Variants in SEZ6L observed in about 807,000 individuals in gnomAD.
SEZ6L encodes seizure related 6 homolog like.
Under a neutral mutation model 106.2 loss-of-function variants are expected in SEZ6L, and 37 were observed. The observed-to-expected ratio is 0.35, with a 90% confidence interval of 0.27 to 0.46. The LOEUF is 0.46. SEZ6L is among the 20% of genes least tolerant of loss of function. The probability of loss-of-function intolerance (pLI) is 1.00; values close to 1 mark genes in which losing one functional copy is unlikely to be tolerated. For synonymous variants in SEZ6L, 541 were observed against 570.4 expected (o/e 0.95, Z 0.73); for missense variants, 1,172 against 1,332.8 (o/e 0.88, Z 1.88).
intron 10 of SEZ6L, among the ~76,000 whole-genome samples, chr22:26,343,175 C>T (rs764058693): frequency 2.6e-5 from 4 of 152,078 alleles, no homozygotes; most frequent in Non-Finnish European, 4.4e-5. Context: ...GACTCAGCTG[C>T]CTTTGGAGGA....
At chr22:26,252,235 A>G (rs2079621823) in intron 1 of SEZ6L, among the ~76,000 whole-genome samples, 1 of 152,192 alleles carries the variant, frequency 6.6e-6, no homozygotes, top group South Asian at 2.1e-4. Flanking sequence ...GGGCTAAGAA[A>G]AGGGTAACCT....
At chr22:26,276,349 A>T (rs634373) in intron 1 of SEZ6L, among the ~76,000 whole-genome samples, 1 of 152,060 alleles carries the variant, frequency 6.6e-6, no homozygotes, top group African/African-American at 2.4e-5. Flanking sequence ...GGGCAAAGCC[A>T]GTGCTAGAAC....
chr22:26,206,256 A>T (rs1426412320), intron 1 of SEZ6L, among the ~76,000 whole-genome samples: 1 of 152,180 alleles, frequency 6.6e-6, no homozygotes, highest in African/African-American at 2.4e-5. Flanking sequence ...GCCCAACCCC[A>T]ATCGTCCCTT....
At chr22:26,307,762 C>T (rs928811301) in intron 6 of SEZ6L, among the ~76,000 whole-genome samples, 5 of 152,158 alleles carry the variant, frequency 3.3e-5, no homozygotes, top group African/African-American at 1.2e-4. Flanking sequence ...AACCTCAGAT[C>T]TGCCTCTTCT....
At chr22:26,173,354 G>A (rs1414321334) in intron 1 of SEZ6L, among the ~76,000 whole-genome samples, 2 of 152,220 alleles carry the variant, frequency 1.3e-5, no homozygotes, top group African/African-American at 4.8e-5. Context: ...AGGGGTTGAA[G>A]GGCATAGTGA....
At chr22:26,251,338 GTTTTT>G (rs5844679) in intron 1 of SEZ6L, among the ~76,000 whole-genome samples, 58,084 of 149,294 alleles carry the variant, frequency 0.39, 12,756 homozygotes, top group East Asian at 0.59. Flanking sequence ...TTTGTTGAAA[GTTTTT>G]TTTTTTTTTT....
rs186513008 is a variant in SEZ6L, at chr22:26,214,247, C to T, written c.94+44484C>T. 3.3e-4 allele frequency among the ~76,000 whole-genome samples: 50 copies of T among 152,356 alleles called. 1 individual carries two copies. In the South Asian group the frequency reaches 6.4e-3, roughly 20 times the overall value. The stretch of plus-strand genomic sequence containing the variant: ...TAGCTGTGTGTCCTAGAGCAGCTCA[C>T]TTCACCTCTCTGAGCCTGGTTTCTT... On this transcript the variant is annotated intron_variant, in intron 1 of 16. Coordinates refer to ENST00000248933, the MANE Select transcript of SEZ6L (RefSeq NM_021115.5).
At position 26,382,628 on chromosome 22, in the gene SEZ6L, CT is replaced by C. The variant is rs567445737; in HGVS notation, c.*2334del. The C allele has an allele frequency of 9.2e-5, 14 of 152,178 alleles. No homozygotes were observed. Among genetic ancestry groups the C allele is most frequent in the African/African-American group, 3.4e-4 (14 of 41,474 alleles). The allele number at this position is 152,178 out of a possible 1,614,324, so 9.4% of individuals were successfully genotyped here. A position where few individuals can be genotyped will look rare whatever the true frequency, so the allele number is the denominator to read the frequency against. ...CCGTGTTTTAAAAGTTTGTTTTAGCCTAGAGACAGATCATACGAGTTCAACA... is the reference window on the plus strand; with the variant it reads ...CCGTGTTTTAAAAGTTTGTTTTAGCCAGAGACAGATCATACGAGTTCAACA... On this transcript the variant is annotated 3_prime_UTR_variant, in exon 17 of 17. Transcript: ENST00000248933.
At chr22:26,275,372 AAGCTAG>A (rs2080509166) in intron 1 of SEZ6L, among the ~76,000 whole-genome samples, 1 of 152,212 alleles carries the variant, frequency 6.6e-6, no homozygotes, top group African/African-American at 2.4e-5. Flanking sequence ...AGGCTAGGCT[AAGCTAG>A]GATGTTCAGT....
chr22:26,357,200 C>T (rs1314520644), intron 12 of SEZ6L, among the ~76,000 whole-genome samples: 1 of 152,150 alleles, frequency 6.6e-6, no homozygotes, highest in African/African-American at 2.4e-5. Context: ...CCGCCTTGAC[C>T]TCTCAAAGTG....
At chr22:26,336,471 T>A (rs1158937757) in intron 9 of SEZ6L, among the ~76,000 whole-genome samples, 38 of 152,294 alleles carry the variant, frequency 2.5e-4, no homozygotes, top group Non-Finnish European at 5.9e-5. Context: ...AAAAGGCATT[T>A]GTATGTTTGC....
At chr22:26,338,439 C>T (rs571298472) in intron 9 of SEZ6L, among the ~76,000 whole-genome samples, 3 of 152,226 alleles carry the variant, frequency 2.0e-5, no homozygotes, top group South Asian at 2.1e-4. Flanking sequence ...GCTCTATTGC[C>T]CAGGCTGGAG....
intron 1 of SEZ6L, among the ~76,000 whole-genome samples, chr22:26,230,200 C>G (rs2078756016): frequency 6.6e-6 from 1 of 152,026 alleles, no homozygotes; most frequent in African/African-American, 2.4e-5. Flanking sequence ...TTCATGAAAC[C>G]CAGAGGCAGA....
chr22:26,263,978 G>C (rs1385069741), intron 1 of SEZ6L, among the ~76,000 whole-genome samples: 1 of 152,210 alleles, frequency 6.6e-6, no homozygotes, highest in African/African-American at 2.4e-5. Context: ...AGAAAGTAGA[G>C]TGATCTTTGC....
chr22:26,346,194 A>AT (rs2083001870), intron 10 of SEZ6L, among the ~76,000 whole-genome samples: 1 of 151,596 alleles, frequency 6.6e-6, no homozygotes, highest in South Asian at 2.1e-4. Flanking sequence ...TACCTGGCTC[A>AT]TTTTTTTGGT....
chr22:26,187,406 T>G (rs1204593569), intron 1 of SEZ6L, among the ~76,000 whole-genome samples: 1 of 152,220 alleles, frequency 6.6e-6, no homozygotes, highest in African/African-American at 2.4e-5. Flanking sequence ...AAGATGAGAT[T>G]TGGGTGGGGA....
intron 1 of SEZ6L, chr22:26,292,188 G>A (rs1293406278): frequency 2.3e-5 from 11 of 488,590 alleles, no homozygotes; most frequent in Non-Finnish European, 3.9e-5. Flanking sequence ...AGGAAGGAGG[G>A]AGGGTGGGAG....
intron 5 of SEZ6L, among the ~76,000 whole-genome samples, chr22:26,301,705 G>T (rs140991249): frequency 6.7e-4 from 102 of 152,120 alleles, no homozygotes; most frequent in African/African-American, 2.1e-3. Flanking sequence ...TGGAAGTTGA[G>T]TAGGAAATAG....
At chr22:26,218,873 G>T (rs1248149940) in intron 1 of SEZ6L, among the ~76,000 whole-genome samples, 1 of 152,184 alleles carries the variant, frequency 6.6e-6, no homozygotes, top group Non-Finnish European at 1.5e-5. Flanking sequence ...AGGAGGTGGA[G>T]GTTGCAGTGA....
Sources: gnomAD v4.1 joint callset for allele counts (sites outside exome capture counted in the v4.1 genomes callset) on GRCh38, gnomAD v4.1.1 for gene constraint, MANE v1.5 for transcripts, NCBI Gene and HGNC (gene_info 2026-07-23, HGNC 2026-07-21) for gene names.